Variants in SEMA4G observed in about 807,000 individuals in gnomAD.
SEMA4G encodes semaphorin 4G, also known as semaphorin-4G.
SEMA4G carries 59 observed loss-of-function variants against 81.2 expected under a neutral mutation model. The ratio of observed to expected loss-of-function variants is 0.73; its 90% CI spans 0.59 to 0.90. SEMA4G has a LOEUF of 0.90. Among genes scored for constraint, SEMA4G ranks in the 40% least tolerant of loss-of-function variants. The probability of loss-of-function intolerance (pLI) is 0.00; values close to 1 mark genes in which losing one functional copy is unlikely to be tolerated. For missense variants in SEMA4G, 952 were observed against 1,102.3 expected (o/e 0.86, Z 1.93); for synonymous variants, 404 against 433.9 (o/e 0.93, Z 0.86).
chr10:100,973,099 A>G lies in SEMA4G; in HGVS notation c.125-30A>G. On this transcript the variant is annotated intron_variant, in intron 1 of 13. Transcript: ENST00000370250. This position sits in a 1 kb window ranked among gnomAD's most constrained non-coding sequence, Gnocchi z 5.5. ...GCTGGGGGTGGGGAGGCACCCCAGA[A>G]CTAGGGCTCACTGTTCCTGCTCTCC... 6.2e-7 allele frequency: 1 copy of G among 1,614,084 alleles called. No individual in the cohort carries two copies. The highest frequency in any genetic ancestry group is 1.7e-5 in the Admixed American group (1 of 60,024).
chr10:100,983,137 CCAA>C (rs1412162492), intron 13 of SEMA4G, among the ~76,000 whole-genome samples, 165 bp from the exon 15 acceptor site: 1 of 152,178 alleles, frequency 6.6e-6, no homozygotes, highest in Non-Finnish European at 1.5e-5. Flanking sequence ...CTGGGAAGGG[CCAA>C]CGTGAACCTT....
upstream of SEMA4G, among the ~76,000 whole-genome samples, chr10:100,971,695 A>G (rs1212466445): frequency 1.3e-5 from 2 of 152,160 alleles, no homozygotes; most frequent in Non-Finnish European, 2.9e-5. Context: ...GGTGATTAGG[A>G]GGCCTGTTAC....
rs141030743 is a variant in SEMA4G at position 100,983,469 on chromosome 10, G to C, written c.1855G>C (p.Val619Leu). 26 of 1,614,180 alleles carry C rather than the reference G, an allele frequency of 1.6e-5. No individual in the cohort carries two copies. In the African/African-American group the frequency reaches 3.5e-4, roughly 22 times the overall value. Residue 619 changes from valine to leucine, a missense_variant, in exon 14 of 14, where the codon GTT becomes CTT. Physicochemically the swap from Val to Leu is conservative, Grantham distance 32 (BLOSUM62 1). Transcript: ENST00000370250. ...CCGTGTGGGCGTGGACGGGCTGCTG[G>C]TTACAGATGCACAGCCTGAGCACAG...
chr10:100,979,855 C>T (rs200241224), exon 9 of SEMA4G: 3 of 1,613,626 alleles, frequency 1.9e-6, no homozygotes, highest in African/African-American at 2.7e-5. Context: ...TAGGAAGACC[C>T]TGGAGGCCTC....
exon 14 of SEMA4G, chr10:100,983,742 C>T (rs756057332): frequency 1.8e-5 from 29 of 1,612,982 alleles, no homozygotes; most frequent in South Asian, 6.6e-5. Context: ...AGGGCGCCGA[C>T]GGAAATACTC....
downstream of SEMA4G, chr10:100,985,383 A>C (rs1590005102): frequency 6.5e-6 from 1 of 154,366 alleles, no homozygotes; most frequent in Non-Finnish European, 1.4e-5. Flanking sequence ...TCGGGTGAGG[A>C]TGACTGTTAT....
intron 13 of SEMA4G, among the ~76,000 whole-genome samples, chr10:100,982,348 G>A (rs1851134694): frequency 1.3e-5 from 2 of 152,210 alleles, no homozygotes; most frequent in African/African-American, 4.8e-5. Flanking sequence ...TTTTAGGCTG[G>A]AGAGTGGCAT....
chr10:100,980,195 T>A, exon 10 of SEMA4G: 2 of 1,614,234 alleles, frequency 1.2e-6, no homozygotes, highest in South Asian at 2.2e-5. Context: ...CTGGACTTTG[T>A]AAAGTTGCAC....
exon 12 of SEMA4G, chr10:100,980,921 C>T (rs1449228698): frequency 6.2e-7 from 1 of 1,612,256 alleles, no homozygotes; most frequent in Non-Finnish European, 8.5e-7. Flanking sequence ...GGCCCGAGAC[C>T]CCTACTGTGG....
exon 7 of SEMA4G, chr10:100,978,869 G>A (rs138710515): frequency 2.0e-4 from 328 of 1,614,008 alleles, no homozygotes; most frequent in Middle Eastern, 1.6e-4. Context: ...TGTGTTCTCC[G>A]TCCTCGTGCG....
At position 100,973,135 on chromosome 10, in the gene SEMA4G, C is replaced by A; in HGVS notation, c.131C>A (p.Ser44Tyr). ...CTGTTCCTGCTCTCCCCAGAGCTCT[C>A]TGGGACCCGGCACTTCAAGGGCCAA... Residue 44 changes from serine (S) to tyrosine (Y), a missense_variant, in exon 2 of 14, where the codon TCT (serine) becomes TAT (tyrosine). Ser to Tyr is a moderately radical substitution (Grantham distance 144). Coordinates refer to ENST00000370250, the Ensembl canonical transcript of SEMA4G. This position sits in a 1 kb window ranked among gnomAD's most constrained non-coding sequence, Gnocchi z 5.5. The A allele has an allele frequency of 6.2e-7, 1 of 1,614,042 alleles. No individual in the cohort carries two copies. The highest frequency in any genetic ancestry group is 1.1e-5 in the South Asian group (1 of 91,084).
intron 13 of SEMA4G, 99 bp downstream of exon 14, chr10:100,981,328 C>T: frequency 6.3e-7 from 1 of 1,598,464 alleles, no homozygotes; most frequent in Non-Finnish European, 8.6e-7. Context: ...GTGGCTGTGG[C>T]TATGTACATT....
chr10:100,972,513 C>T (rs1309150713), upstream of SEMA4G: 1 of 179,904 alleles, frequency 5.6e-6, no homozygotes, highest in Non-Finnish European at 1.1e-5. Context: ...CTTTTTTTTC[C>T]CCGTTTTTTC....
chr10:100,974,556 C>T (rs1850724546), intron 3 of SEMA4G, among the ~76,000 whole-genome samples: 1 of 152,160 alleles, frequency 6.6e-6, no homozygotes, highest in Non-Finnish European at 1.5e-5. Context: ...TAAATTGAAC[C>T]ATTGTTAAGT....
chr10:100,980,326 C>G (rs1231751585), exon 10 of SEMA4G: 1 of 1,614,172 alleles, frequency 6.2e-7, no homozygotes. Context: ...TACCTATGAC[C>G]TGCTCTTTCT....
At chr10:100,972,844 T>C in exon 1 of SEMA4G, 1 of 1,536,252 alleles carries the variant, frequency 6.5e-7, no homozygotes, top group South Asian at 1.3e-5. Context: ...TGCTTCCCAT[T>C]CCCCGCCCCC....
At chr10:100,975,892 C>T (rs1332902918) in intron 3 of SEMA4G, among the ~76,000 whole-genome samples, 1 of 151,706 alleles carries the variant, frequency 6.6e-6, no homozygotes, top group East Asian at 1.9e-4. Flanking sequence ...AGCAAGACTC[C>T]GTCTCAAAAA....
At chr10:100,974,156 C>T (rs1364995753) in intron 3 of SEMA4G, among the ~76,000 whole-genome samples, 2 of 151,980 alleles carry the variant, frequency 1.3e-5, no homozygotes, top group Non-Finnish European at 2.9e-5. Flanking sequence ...CCTCTGGGAT[C>T]CCAAATAATC....
At chr10:100,979,246 G>A (rs370799129) in exon 8 of SEMA4G, 12 of 1,614,128 alleles carry the variant, frequency 7.4e-6, no homozygotes, top group African/African-American at 1.3e-5. Context: ...ACACTTCTAT[G>A]CAGCCTTCAC....
Sources: allele counts gnomAD v4.1 joint callset (sites outside exome capture counted in the v4.1 genomes callset), GRCh38; gene constraint gnomAD v4.1.1; non-coding constraint Gnocchi (gnomAD v3.1); transcripts MANE v1.5; gene names NCBI Gene and HGNC (gene_info 2026-07-23, HGNC 2026-07-21).